The following LDLRAD4 variants were observed in gnomAD, a reference collection of about 807,000 sequenced individuals.
LDLRAD4 encodes low-density lipoprotein receptor class A domain-containing protein 4.
A neutral mutation model predicts 17.0 loss-of-function variants in LDLRAD4; 5 were observed. The ratio of observed to expected loss-of-function variants is 0.29; its 90% confidence interval spans 0.15 to 0.62. The LOEUF is 0.62. LDLRAD4 is among the 20% of genes least tolerant of loss of function. The pLI, the probability that LDLRAD4 is intolerant of heterozygous loss-of-function variation, is 0.84. For missense variants in LDLRAD4, 340 were observed against 424.7 expected, an observed-to-expected ratio of 0.80 and a Z score of 1.75; for synonymous variants, 168 against 171.8, an observed-to-expected ratio of 0.98 and a Z score of 0.17.
chr18:13,413,111 C>T (rs1044947916), intron 2 of LDLRAD4, among the ~76,000 whole-genome samples: 2 of 152,172 alleles, frequency 1.3e-5, no homozygotes, highest in South Asian at 2.1e-4. Flanking sequence ...TCCAGTGCCA[C>T]GTCAAGCCCA....
At chr18:13,417,170 G>A (rs2088976795) in intron 2 of LDLRAD4, among the ~76,000 whole-genome samples, 1 of 152,202 alleles carries the variant, frequency 6.6e-6, no homozygotes, top group Non-Finnish European at 1.5e-5. Flanking sequence ...TAGCTTGAGA[G>A]GTTCCAGAGT....
At chr18:13,466,706 C>T (rs1326622146) in intron 3 of LDLRAD4, among the ~76,000 whole-genome samples, 1 of 152,146 alleles carries the variant, frequency 6.6e-6, no homozygotes, top group Non-Finnish European at 1.5e-5. Flanking sequence ...ACGAGGTGGC[C>T]TGTAAACAAC....
chr18:13,438,312 G>A, exon 3 of LDLRAD4: 4 of 1,613,516 alleles, frequency 2.5e-6, no homozygotes, highest in African/African-American at 1.3e-5. Context: ...CCAACAGAAC[G>A]ACTGTGGGGA....
chr18:13,643,819 A>G (rs1480379861), intron 5 of LDLRAD4, among the ~76,000 whole-genome samples: 1 of 152,266 alleles, frequency 6.6e-6, no homozygotes, highest in Non-Finnish European at 1.5e-5. Context: ...AGAAATCAAT[A>G]TCTGTATGTA....
intron 1 of LDLRAD4, among the ~76,000 whole-genome samples, chr18:13,350,202 C>T (rs1321936942): frequency 6.6e-6 from 1 of 152,184 alleles, no homozygotes; most frequent in Admixed American, 6.5e-5. Context: ...TGAGGAATCG[C>T]CACACTGTCT....
At chr18:13,491,510 T>A (rs1210395875) in intron 3 of LDLRAD4, 1 of 152,252 alleles carries the variant, frequency 6.6e-6, no homozygotes, top group African/African-American at 2.4e-5. Context: ...AGATACTTTA[T>A]ATGTTTGAAA....
chr18:13,256,089 A>C (rs1338912788), intron 1 of LDLRAD4, among the ~76,000 whole-genome samples: 1 of 152,250 alleles, frequency 6.6e-6, no homozygotes, highest in Non-Finnish European at 1.5e-5. Context: ...GTTTCTTTCC[A>C]AGAAAGACGT....
intron 3 of LDLRAD4, among the ~76,000 whole-genome samples, chr18:13,512,979 T>C (rs2093806187): frequency 6.6e-6 from 1 of 152,234 alleles, no homozygotes; most frequent in South Asian, 2.1e-4. Context: ...AATTATCAAA[T>C]GATAGTGCAG....
chr18:13,612,789 A>G (rs2039722565), intron 3 of LDLRAD4: 2 of 1,613,964 alleles, frequency 1.2e-6, no homozygotes, highest in Non-Finnish European at 1.7e-6. Flanking sequence ...ATTTCCCAAG[A>G]ACTGCTATGG....
intron 2 of LDLRAD4, among the ~76,000 whole-genome samples, chr18:13,416,038 G>A (rs1351650764): frequency 2.6e-5 from 4 of 152,228 alleles, no homozygotes; most frequent in African/African-American, 7.2e-5. Flanking sequence ...CCTGCAGGGC[G>A]CAGGGCTGAG....
rs1401587774 is a variant in LDLRAD4 at position 13,621,745 on chromosome 18, G to A, written c.336+474G>A. On this transcript the variant is annotated intron_variant, in intron 4 of 5. Coordinates refer to ENST00000359446, the Ensembl canonical transcript of LDLRAD4. The surrounding 1 kb of genome is among the most constrained non-coding windows in gnomAD (Gnocchi z 5.5). ...ACATGGGTGCCATGAGCTGGAGGAC[G>A]CCTGGAGCTTAAGGCCTCGGGAGCT... Among the ~76,000 whole-genome samples the A allele has an allele frequency of 2.6e-5, 4 of 152,146 alleles. No individual in the cohort carries two copies. Among genetic ancestry groups the A allele is most frequent in the African/African-American group, 9.7e-5 (4 of 41,422 alleles).
At chr18:13,453,510 C>T (rs1001219625) in intron 3 of LDLRAD4, among the ~76,000 whole-genome samples, 1 of 151,978 alleles carries the variant, frequency 6.6e-6, no homozygotes, top group Non-Finnish European at 1.5e-5. Flanking sequence ...CAGGTTTGAT[C>T]CCTGGAGTCA....
chr18:13,282,699 C>T (rs2045356141), intron 1 of LDLRAD4, among the ~76,000 whole-genome samples: 1 of 152,168 alleles, frequency 6.6e-6, no homozygotes, highest in Non-Finnish European at 1.5e-5. Context: ...TGTGTCTTTT[C>T]CAGGCACACG....
At chr18:13,612,842 T>C in intron 3 of LDLRAD4, 2 of 1,596,830 alleles carry the variant, frequency 1.3e-6, no homozygotes, top group South Asian at 2.2e-5. Flanking sequence ...CTTCTTGGAG[T>C]TTGGTCTGAG....
intron 3 of LDLRAD4, among the ~76,000 whole-genome samples, chr18:13,547,062 G>C (rs779507531): frequency 6.6e-6 from 1 of 152,150 alleles, no homozygotes; most frequent in African/African-American, 2.4e-5. Flanking sequence ...GATTGCAGTG[G>C]GCCCCGATGT....
intron 3 of LDLRAD4, among the ~76,000 whole-genome samples, chr18:13,594,665 C>CAAAAAAAAAAAAAAAAAAAAAAAA (rs56035558): frequency 6.8e-5 from 2 of 29,596 alleles, no homozygotes; most frequent in African/African-American, 8.7e-5. Context: ...GATTCCATCT[C>CAAAAAAAAAAAAAAAAAAAAAAAA]AAAAAAAAAA....
At chr18:13,284,972 C>G (rs1395153656) in intron 1 of LDLRAD4, among the ~76,000 whole-genome samples, 1 of 152,190 alleles carries the variant, frequency 6.6e-6, no homozygotes, top group Non-Finnish European at 1.5e-5. Context: ...GTCGGACGGG[C>G]TGTGCCTCTC....
At chr18:13,385,988 G>A (rs1406617368) in intron 1 of LDLRAD4, among the ~76,000 whole-genome samples, 4 of 152,172 alleles carry the variant, frequency 2.6e-5, no homozygotes, top group South Asian at 2.1e-4. Context: ...TATCATTAAA[G>A]TACTTCATTA....
chr18:13,406,476 C>T (rs559609717), intron 2 of LDLRAD4, among the ~76,000 whole-genome samples: 2 of 152,256 alleles, frequency 1.3e-5, no homozygotes, highest in East Asian at 1.9e-4. Flanking sequence ...AACACCAACA[C>T]GAGGATATAG....
Sources: gnomAD v4.1 joint callset for allele counts (sites outside exome capture counted in the v4.1 genomes callset) on GRCh38, gnomAD v4.1.1 for gene constraint, Gnocchi (gnomAD v3.1) non-coding constraint, MANE v1.5 for transcripts, NCBI Gene and HGNC (gene_info 2026-07-23, HGNC 2026-07-21) for gene names.